The following DAAM2 variants were observed in gnomAD, a reference collection of about 807,000 sequenced individuals.
DAAM2 encodes dishevelled associated activator of morphogenesis 2.
A neutral mutation model predicts 120.7 loss-of-function variants in DAAM2; 39 were observed. That is an observed-to-expected ratio of 0.32 (90% CI 0.25 to 0.42). DAAM2 has a LOEUF of 0.42. DAAM2 is among the 10% of genes least tolerant of loss of function. The pLI is 1.00. For synonymous variants in DAAM2, 488 were observed against 524.9 expected, an observed-to-expected ratio of 0.93 and a Z score of 0.96; for missense variants, 1,283 against 1,401.7, an observed-to-expected ratio of 0.92 and a Z score of 1.35.
At chr6:39,797,399 G>A (rs1035193056) in intron 1 of DAAM2, among the ~76,000 whole-genome samples, 1 of 152,152 alleles carries the variant, frequency 6.6e-6, no homozygotes, top group African/African-American at 2.4e-5. Context: ...AATCATATGA[G>A]ATTGATATTA....
intron 1 of DAAM2, among the ~76,000 whole-genome samples, chr6:39,826,130 A>G (rs1050144321): frequency 2.0e-5 from 3 of 152,092 alleles, no homozygotes; most frequent in African/African-American, 7.2e-5. Flanking sequence ...GCCTTAAAAG[A>G]TAGTGGGGAG....
intron 1 of DAAM2, among the ~76,000 whole-genome samples, chr6:39,808,600 T>C (rs1347496067): frequency 6.6e-6 from 1 of 152,266 alleles, no homozygotes; most frequent in Non-Finnish European, 1.5e-5. Context: ...TGGTGTCTTA[T>C]TGAAGTGCAG....
intron 3 of DAAM2, 144 bp from the exon 4 acceptor site, chr6:39,864,289 G>GA: frequency 3.2e-6 from 2 of 621,196 alleles, no homozygotes; most frequent in Non-Finnish European, 5.7e-6. Context: ...TGGAAGCCTG[G>GA]GGGAGAGTGT....
intron 1 of DAAM2, among the ~76,000 whole-genome samples, chr6:39,844,807 T>C (rs1286199826): frequency 1.3e-5 from 2 of 151,540 alleles, no homozygotes; most frequent in African/African-American, 4.9e-5. Context: ...CTGGGAGTTC[T>C]TTCTACTTAG....
chr6:39,869,010 C>T, intron 7 of DAAM2, 77 bp downstream of exon 7: 1 of 1,099,272 alleles, frequency 9.1e-7, no homozygotes. Flanking sequence ...GTGTTGCTTC[C>T]CCAATAATTG....
At chr6:39,820,389 G>C (rs770916829) in intron 1 of DAAM2, 1 of 152,176 alleles carries the variant, frequency 6.6e-6, no homozygotes, top group African/African-American at 2.4e-5. Context: ...AAACCTGCCT[G>C]TGGATCTATA....
chr6:39,804,519 G>GT (rs1453746705), intron 1 of DAAM2, among the ~76,000 whole-genome samples: 1 of 110,004 alleles, frequency 9.1e-6, no homozygotes, highest in Non-Finnish European at 2.0e-5. Flanking sequence ...AGAGAGATCA[G>GT]TTCTGTGTGT....
intron 8 of DAAM2, among the ~76,000 whole-genome samples, chr6:39,870,659 C>T (rs1764623098): frequency 1.3e-5 from 2 of 152,180 alleles, no homozygotes; most frequent in South Asian, 4.1e-4. Context: ...CAGGTGAACC[C>T]AGTAGCCCTC....
intron 1 of DAAM2, among the ~76,000 whole-genome samples, chr6:39,850,397 G>A (rs1763764264): frequency 6.6e-6 from 1 of 151,946 alleles, no homozygotes; most frequent in Admixed American, 6.6e-5. Context: ...TCCTTCTCAG[G>A]GCTGCCCAAA....
At chr6:39,826,539 C>T (rs903081797) in intron 1 of DAAM2, among the ~76,000 whole-genome samples, 1 of 152,110 alleles carries the variant, frequency 6.6e-6, no homozygotes, top group Non-Finnish European at 1.5e-5. Context: ...GCTGATATGC[C>T]CAATAGCTCC....
At chr6:39,835,812 T>A (rs1458233947) in intron 1 of DAAM2, among the ~76,000 whole-genome samples, 1 of 152,120 alleles carries the variant, frequency 6.6e-6, no homozygotes, top group Admixed American at 6.5e-5. Context: ...GCCAGGCTGA[T>A]GCTGACTTGG....
intron 1 of DAAM2, among the ~76,000 whole-genome samples, chr6:39,842,608 G>A (rs1169294521): frequency 1.3e-5 from 2 of 152,006 alleles, no homozygotes; most frequent in Admixed American, 1.3e-4. Flanking sequence ...ACTCCAGCCG[G>A]GGCAACAGAC....
At chr6:39,856,965 C>T (rs942786839) in intron 2 of DAAM2, among the ~76,000 whole-genome samples, 1 of 152,138 alleles carries the variant, frequency 6.6e-6, no homozygotes, top group Non-Finnish European at 1.5e-5. Flanking sequence ...CTATGTCATG[C>T]CTGGGGTCCC....
chr6:39,821,379 T>A (rs1762482636), intron 1 of DAAM2: 1 of 152,264 alleles, frequency 6.6e-6, no homozygotes, highest in African/African-American at 2.4e-5. Flanking sequence ...GGCCCTGGGC[T>A]CCCAGCACCC....
At chr6:39,865,188 T>C (rs2504093) in intron 5 of DAAM2, 114 bp downstream of exon 5, 432,393 of 679,530 alleles carry the variant, frequency 0.64, 140,232 homozygotes, top group African/African-American at 0.85. Context: ...TGGCCAACTC[T>C]GCCTCACCTG....
intron 18 of DAAM2, 76 bp downstream of exon 18, chr6:39,891,523 G>A (rs951821535): frequency 6.6e-7 from 1 of 1,511,720 alleles, no homozygotes; most frequent in Admixed American, 1.9e-5. Flanking sequence ...CTGCCAAGAG[G>A]AAGGGGATGG....
At position 39,857,036 on chromosome 6, in the gene DAAM2, T is replaced by C. The variant is rs1368218051; in HGVS notation, c.168+566T>C. Among the ~76,000 whole-genome samples the C allele has an allele frequency of 3.3e-5, 5 of 152,328 alleles. No individual in the cohort carries two copies. The South Asian group carries it at 8.3e-4, about 25-fold the overall frequency. On this transcript the variant is annotated intron_variant, in intron 2 of 24. Transcript: ENST00000274867. ...CAAGGGGCAGGCGGAAGCTCTGCCA[T>C]TCACACCCGGACCAGCCTGTGCTGA...
chr6:39,842,314 G>T (rs376089236), intron 1 of DAAM2, among the ~76,000 whole-genome samples: 1 of 152,176 alleles, frequency 6.6e-6, no homozygotes, highest in Non-Finnish European at 1.5e-5. Flanking sequence ...GAGTCTAGAT[G>T]GGGGAGAAGT....
intron 1 of DAAM2, among the ~76,000 whole-genome samples, chr6:39,795,094 C>A (rs1306566982): frequency 6.6e-6 from 1 of 152,158 alleles, no homozygotes; most frequent in East Asian, 1.9e-4. Flanking sequence ...GGATGAATTC[C>A]CAGGCCATGG....
Sources: gnomAD v4.1 joint callset for allele counts (sites outside exome capture counted in the v4.1 genomes callset) on GRCh38, gnomAD v4.1.1 for gene constraint, MANE v1.5 for transcripts, NCBI Gene and HGNC (gene_info 2026-07-23, HGNC 2026-07-21) for gene names.